Variants in TMEM132B observed in about 807,000 individuals in gnomAD.
The protein encoded by TMEM132B is transmembrane protein 132B.
In TMEM132B, 18 loss-of-function variants were observed where a neutral mutation model predicts 90.8. The observed-to-expected ratio is 0.20, with a 90% confidence interval of 0.14 to 0.29. TMEM132B has a LOEUF of 0.29. TMEM132B is among the 10% of genes least tolerant of loss of function. TMEM132B has a pLI of 1.00. For synonymous variants in TMEM132B, 504 were observed against 523.3 expected (o/e 0.96, Z 0.50); for missense variants, 1,096 against 1,326.8 (o/e 0.83, Z 2.70).
intron 5 of TMEM132B, among the ~76,000 whole-genome samples, chr12:125,613,134 A>G (rs1885896432): frequency 8.6e-6 from 1 of 116,144 alleles, no homozygotes; most frequent in Non-Finnish European, 1.6e-5. Context: ...ATATTTATAT[A>G]TTATATATAA....
chr12:125,384,659 T>A (rs1158944567), intron 2 of TMEM132B, among the ~76,000 whole-genome samples: 1 of 152,216 alleles, frequency 6.6e-6, no homozygotes, highest in African/African-American at 2.4e-5. Flanking sequence ...AGTTTCTTCC[T>A]TGTTTTTTTG....
intron 4 of TMEM132B, among the ~76,000 whole-genome samples, chr12:125,580,134 T>G (rs554935596): frequency 6.6e-6 from 1 of 152,154 alleles, no homozygotes; most frequent in Non-Finnish European, 1.5e-5. Context: ...AAAGCTTAGG[T>G]CTATTCTCTG....
At chr12:125,650,654 T>C (rs779274085) in intron 6 of TMEM132B, 29 bp from the exon 7 acceptor site, 9 of 1,596,756 alleles carry the variant, frequency 5.6e-6, no homozygotes, top group South Asian at 1.1e-5. Flanking sequence ...AATGAAGACT[T>C]TGTTCTGTTT....
At chr12:125,477,009 A>AAT (rs1881899986) in intron 3 of TMEM132B, among the ~76,000 whole-genome samples, 1 of 152,186 alleles carries the variant, frequency 6.6e-6, no homozygotes, top group South Asian at 2.1e-4. Flanking sequence ...AGCCAACTGT[A>AAT]ATATATGGAG....
At chr12:125,388,804 A>T (rs993279539) in intron 2 of TMEM132B, among the ~76,000 whole-genome samples, 10 of 152,172 alleles carry the variant, frequency 6.6e-5, no homozygotes, top group Non-Finnish European at 1.5e-4. Context: ...TATTGCACAC[A>T]TGTGGATATT....
chr12:125,386,373 T>C lies in TMEM132B; in HGVS notation c.960-29158T>C, dbSNP rs1878833327. 2.6e-5 allele frequency among the ~76,000 whole-genome samples: 4 copies of C among 152,334 alleles called. 1 individual carries two copies. The South Asian group carries it at 8.3e-4, about 32-fold the overall frequency. The stretch of plus-strand genomic sequence containing the variant: ...TCAGATGGCTTTCAAGGAGAAAAAG[T>C]GCCTGGTTACGTATGACTATGGTCT... On this transcript the variant is annotated intron_variant, in intron 2 of 8. Coordinates refer to ENST00000682704, the MANE Select transcript of TMEM132B (RefSeq NM_001366854.1).
In TMEM132B at chr12:125,654,570, C is replaced by T; in HGVS notation, c.3112C>T (p.Leu1038Phe). Residue 1038 changes from leucine (L) to phenylalanine (F), a missense_variant, in exon 9 of 9, where the codon CTC (leucine) becomes TTC (phenylalanine). Transcript: ENST00000682704. This position sits in a 1 kb window ranked among gnomAD's most constrained non-coding sequence, Gnocchi z 5.8. ...CAAGTTCACTTCCTACACCACCATC[C>T]TCCCAGAGGACGGCGGCCCATACAC... The part of the protein sequence containing the change: ...RVKFTSYTTI[L>F]PEDGGPYTNS... 1.2e-6 allele frequency: 2 copies of T among 1,614,200 alleles called. No homozygotes were observed. The highest frequency in any genetic ancestry group is 1.7e-6 in the Non-Finnish European group (2 of 1,180,048).
intron 1 of TMEM132B, chr12:125,301,565 G>A (rs1197672065): frequency 6.6e-6 from 1 of 152,312 alleles, no homozygotes; most frequent in Non-Finnish European, 1.5e-5. Context: ...TGAGCCAAGA[G>A]CTAGTAGAGC....
intron 5 of TMEM132B, among the ~76,000 whole-genome samples, chr12:125,618,124 A>G (rs1364924024): frequency 5.9e-5 from 9 of 152,040 alleles, no homozygotes; most frequent in East Asian, 1.9e-4. Context: ...GCAGTGGTCC[A>G]TTTTTCTCTG....
At chr12:125,226,626 T>C (rs182897022) in intron 1 of TMEM132B, among the ~76,000 whole-genome samples, 34 of 152,324 alleles carry the variant, frequency 2.2e-4, no homozygotes, top group Non-Finnish European at 2.1e-4. Flanking sequence ...AGGTTAGCTT[T>C]AGAATTAGGG....
At chr12:125,345,917 C>G (rs1421673928) in intron 1 of TMEM132B, among the ~76,000 whole-genome samples, 1 of 152,170 alleles carries the variant, frequency 6.6e-6, no homozygotes, top group East Asian at 1.9e-4. Context: ...TACTATGTGA[C>G]ATTTTGGGAT....
intron 3 of TMEM132B, among the ~76,000 whole-genome samples, chr12:125,464,383 C>T (rs998781898): frequency 1.6e-4 from 24 of 152,258 alleles, no homozygotes; most frequent in African/African-American, 5.5e-4. Flanking sequence ...GTAGCCATGG[C>T]TTCCTCTGGG....
rs536036106 is a variant in TMEM132B at position 125,205,977 on chromosome 12, C to A, written c.67+19111C>A. Reference sequence around the variant, plus strand: ...TTAAGTCACCGAAAATGCCTCTAACCCTCCTGAATCTGGTCTGGGGAGTGG... The same window carrying A: ...TTAAGTCACCGAAAATGCCTCTAACACTCCTGAATCTGGTCTGGGGAGTGG... On this transcript the variant is annotated intron_variant, in intron 1 of 8. Transcript: ENST00000682704. Among the ~76,000 whole-genome samples, 2 of 152,272 alleles carry A rather than the reference C, an allele frequency of 1.3e-5. 1 individual carries two copies. The highest frequency in any genetic ancestry group is 1.3e-4 in the Admixed American group (2 of 15,290).
intron 3 of TMEM132B, among the ~76,000 whole-genome samples, chr12:125,517,446 C>T (rs559831852): frequency 1.3e-5 from 2 of 149,332 alleles, no homozygotes; most frequent in African/African-American, 4.9e-5. Context: ...CCCGCCTCGG[C>T]CTCCCAAAGT....
At chr12:125,354,481 T>C (rs772917200) in intron 2 of TMEM132B, among the ~76,000 whole-genome samples, 11 of 152,184 alleles carry the variant, frequency 7.2e-5, no homozygotes, top group South Asian at 2.1e-4. Flanking sequence ...CTCCCTTCTG[T>C]CTCACACCTG....
intron 1 of TMEM132B, among the ~76,000 whole-genome samples, chr12:125,280,790 A>G (rs1006023765): frequency 3.9e-5 from 6 of 152,232 alleles, no homozygotes; most frequent in Non-Finnish European, 8.8e-5. Flanking sequence ...TGCTCCAGCG[A>G]GGATTAGGAA....
At position 125,492,254 on chromosome 12, in the gene TMEM132B, C is replaced by T. The variant is rs528387442; in HGVS notation, c.1107-27185C>T. On this transcript the variant is annotated intron_variant, in intron 3 of 8. Coordinates refer to ENST00000682704, the MANE Select transcript of TMEM132B (RefSeq NM_001366854.1). This position sits in a 1 kb window ranked among gnomAD's most constrained non-coding sequence, Gnocchi z 5.8. Reference sequence around the variant, plus strand: ...TGTTTCCTGTGCAAGTTACACCTGCCGTGGCAGCTCAGCCTTCCTCGTCTG... The same window carrying T: ...TGTTTCCTGTGCAAGTTACACCTGCTGTGGCAGCTCAGCCTTCCTCGTCTG... Among the ~76,000 whole-genome samples, 5 of 152,308 alleles carry T rather than the reference C, an allele frequency of 3.3e-5. No individual in the cohort carries two copies. Among genetic ancestry groups the T allele is most frequent in the East Asian group, 3.9e-4 (2 of 5,176 alleles).
intron 1 of TMEM132B, among the ~76,000 whole-genome samples, chr12:125,190,804 TG>T (rs1266116579): frequency 2.5e-4 from 2 of 7,968 alleles, no homozygotes; most frequent in Non-Finnish European, 2.3e-4. Flanking sequence ...GTGATGGTGA[TG>T]GGGAAGGGGT....
intron 2 of TMEM132B, among the ~76,000 whole-genome samples, chr12:125,377,306 A>C (rs1179010150): frequency 6.6e-6 from 1 of 152,220 alleles, no homozygotes; most frequent in African/African-American, 2.4e-5. Context: ...GGAGCAGCTG[A>C]ACCAAGGGGA....
Sources: allele counts gnomAD v4.1 joint callset (sites outside exome capture counted in the v4.1 genomes callset), GRCh38; gene constraint gnomAD v4.1.1; non-coding constraint Gnocchi (gnomAD v3.1); transcripts MANE v1.5; gene names NCBI Gene and HGNC (gene_info 2026-07-23, HGNC 2026-07-21).